ANKRD11: variants seen among roughly 807,000 people sequenced by gnomAD.
ANKRD11 encodes the protein ankyrin repeat domain-containing protein 11.
A neutral mutation model predicts 195.7 loss-of-function variants in ANKRD11; 17 were observed. The observed-to-expected ratio is 0.09, with a 90% CI of 0.06 to 0.13. ANKRD11 has a LOEUF of 0.13. Among genes scored for constraint, ANKRD11 ranks in the 10% least tolerant of loss-of-function variants. ANKRD11 has a pLI of 1.00. For missense variants in ANKRD11, 3,735 were observed against 3,566.1 expected (o/e 1.05, Z -1.21); for synonymous variants, 1,953 against 1,528.1 (o/e 1.28, Z -6.49).
chr16:89,280,939 G>A lies in ANKRD11; in HGVS notation c.5603C>T (p.Pro1868Leu), dbSNP rs1257832454. 1.3e-6 allele frequency: 2 copies of A among 1,589,358 alleles called. No individual in the cohort carries two copies. The highest frequency in any genetic ancestry group is 8.6e-7 in the Non-Finnish European group (1 of 1,164,858). The change falls in exon 9 of 13, where the codon CCA becomes CTA. Residue 1868 changes from proline (P) to leucine (L), a missense_variant. By Grantham distance (98) the Pro-to-Leu change is moderately conservative. Coordinates refer to ENST00000301030, the MANE Select transcript of ANKRD11 (RefSeq NM_013275.6). ...GGTGACAGTGACAACGGCAGCCGGT[G>A]GGCAGTGCAAAGCGTCGACTTTGGG... ...PSPKVDALHCPPAAVVTVTPS... is the reference protein window; with the variant it reads ...PSPKVDALHCLPAAVVTVTPS...
intron 1 of ANKRD11, among the ~76,000 whole-genome samples, chr16:89,436,323 G>A (rs1047991215): frequency 2.6e-5 from 4 of 151,980 alleles, no homozygotes; most frequent in East Asian, 1.9e-4. Context: ...GCTGAGGCAC[G>A]AGAATTGCTT....
At chr16:89,379,980 T>C (rs1399240977) in intron 2 of ANKRD11, among the ~76,000 whole-genome samples, 1 of 152,202 alleles carries the variant, frequency 6.6e-6, no homozygotes, top group Non-Finnish European at 1.5e-5. Context: ...CCAAACACTA[T>C]TTTCTGCATC....
In ANKRD11 at chr16:89,341,882, CA is replaced by C. The variant is rs1567673583; in HGVS notation, c.-59-24805del. Among the ~76,000 whole-genome samples, 65 of 145,922 alleles carry C rather than the reference CA, an allele frequency of 4.5e-4. 2 individuals carry two copies. The highest frequency in any genetic ancestry group is 1.6e-3 in the African/African-American group (62 of 39,696). ...CACCCACAGCGGCCACGGCCCACGG[CA>C]GGAGTGCTGCACCTCCACCCACAGC... On this transcript the variant is annotated intron_variant, in intron 2 of 12. Coordinates refer to ENST00000301030, the MANE Select transcript of ANKRD11 (RefSeq NM_013275.6).
intron 2 of ANKRD11, among the ~76,000 whole-genome samples, chr16:89,417,619 C>G (rs1051343619): frequency 6.6e-6 from 1 of 152,182 alleles, no homozygotes; most frequent in African/African-American, 2.4e-5. Context: ...ACACTGGTCT[C>G]CAGCTCCTAG....
intron 2 of ANKRD11, among the ~76,000 whole-genome samples, chr16:89,329,423 AG>A (rs1436261852): frequency 2.0e-5 from 3 of 152,192 alleles, no homozygotes; most frequent in Non-Finnish European, 2.9e-5. Context: ...AAAAAACACA[AG>A]GGGTGTAAGG....
intron 2 of ANKRD11, among the ~76,000 whole-genome samples, chr16:89,397,182 C>T (rs908764444): frequency 2.0e-5 from 3 of 152,170 alleles, no homozygotes; most frequent in African/African-American, 4.8e-5. Flanking sequence ...GGCTCCTCCA[C>T]GTCCAACGGC....
intron 2 of ANKRD11, among the ~76,000 whole-genome samples, chr16:89,367,423 CAG>C (rs2039995824): frequency 6.6e-6 from 1 of 152,216 alleles, no homozygotes; most frequent in East Asian, 1.9e-4. Flanking sequence ...GCCGGCAACT[CAG>C]GGGAGAGACG....
intron 2 of ANKRD11, among the ~76,000 whole-genome samples, chr16:89,401,900 C>T (rs866185159): frequency 2.0e-5 from 3 of 151,926 alleles, no homozygotes; most frequent in Non-Finnish European, 2.9e-5. Flanking sequence ...CAGAGACTCC[C>T]CCATCCCCCA....
intron 2 of ANKRD11, chr16:89,361,551 C>G (rs557823146): frequency 6.6e-6 from 1 of 152,244 alleles, no homozygotes; most frequent in African/African-American, 2.4e-5. Context: ...ACAGAATCAG[C>G]AGAGGAACAT....
intron 3 of ANKRD11, among the ~76,000 whole-genome samples, chr16:89,315,534 A>ACG (rs1316849892): frequency 6.6e-6 from 1 of 152,016 alleles, no homozygotes; most frequent in Non-Finnish European, 1.5e-5. Context: ...CTTCACACAC[A>ACG]CGTGTGTCCC....
chr16:89,331,767 T>G (rs2038078973), intron 2 of ANKRD11, among the ~76,000 whole-genome samples: 2 of 152,180 alleles, frequency 1.3e-5, no homozygotes, highest in African/African-American at 2.4e-5. Flanking sequence ...GCTACAGGCA[T>G]GAACCACCAC....
chr16:89,370,351 G>C (rs1339608148), intron 2 of ANKRD11, among the ~76,000 whole-genome samples: 2 of 152,152 alleles, frequency 1.3e-5, no homozygotes, highest in Non-Finnish European at 2.9e-5. Context: ...GTCCAGAAGG[G>C]GAGACAGGCG....
rs200264927 is a variant in ANKRD11, at chr16:89,283,710, G to A, written c.2832C>T (p.Ser944=). The A allele has an allele frequency of 1.6e-5, 26 of 1,613,594 alleles. No homozygotes were observed. Among genetic ancestry groups the A allele is most frequent in the African/African-American group, 6.7e-5 (5 of 75,048 alleles). The change falls in exon 9 of 13, where the codon TCC becomes TCT. Residue 944 remains serine, a synonymous_variant. Transcript: ENST00000301030. The surrounding 1 kb of genome is among the most constrained non-coding windows in gnomAD (Gnocchi z 4.3). ...CCTTTCTGTCCCGCCCGGCCTCTGC[G>A]GACTCTCTCCTCTTCTTGTCCTTTT... ...LSEKDKKRRE[S]AEAGRDRKDA...
At chr16:89,347,331 C>T (rs1270458761) in intron 2 of ANKRD11, among the ~76,000 whole-genome samples, 3 of 152,116 alleles carry the variant, frequency 2.0e-5, no homozygotes, top group African/African-American at 7.2e-5. Context: ...TCCGTTCGGC[C>T]GGGCACACTG....
At chr16:89,278,515 G>A (rs1211786010) in intron 9 of ANKRD11, 1 of 456,440 alleles carries the variant, frequency 2.2e-6, no homozygotes, top group Admixed American at 2.3e-5. Context: ...GATGCCTGGG[G>A]AACTGGGCTG....
chr16:89,288,040 G>A (rs2034773666), intron 7 of ANKRD11: 1 of 546,392 alleles, frequency 1.8e-6, no homozygotes, highest in Middle Eastern at 4.7e-4. Flanking sequence ...CCCCCACAGA[G>A]GCTGAGACCT....
rs1567633706 is a variant in ANKRD11, at chr16:89,316,923, G to A, written c.87+10C>T. 6.2e-7 allele frequency: 1 copy of A among 1,612,336 alleles called. No homozygotes were observed. The highest frequency in any genetic ancestry group is 1.3e-5 in the African/African-American group (1 of 74,874). On this transcript the variant is annotated intron_variant, in intron 3 of 12. Transcript: ENST00000301030. ...GGTGAGCATGCAGGGCTGGGAGGGG[G>A]CAGCATTACCTTTTTCCCAGTCTGC...
At chr16:89,372,070 G>A (rs924551863) in intron 2 of ANKRD11, among the ~76,000 whole-genome samples, 2 of 152,180 alleles carry the variant, frequency 1.3e-5, no homozygotes, top group African/African-American at 4.8e-5. Context: ...GTCCCCAGGT[G>A]GACTGAGGAA....
At chr16:89,460,140 A>T (rs2056601193) in intron 1 of ANKRD11, among the ~76,000 whole-genome samples, 1 of 151,998 alleles carries the variant, frequency 6.6e-6, no homozygotes, top group South Asian at 2.1e-4. Flanking sequence ...CGGGAGGCTG[A>T]GGCAGGAGAA....
Sources: allele counts gnomAD v4.1 joint callset (sites outside exome capture counted in the v4.1 genomes callset), GRCh38; gene constraint gnomAD v4.1.1; non-coding constraint Gnocchi (gnomAD v3.1); transcripts MANE v1.5; gene names NCBI Gene and HGNC (gene_info 2026-07-23, HGNC 2026-07-21).